The following SCML2 variants were observed in gnomAD, a reference collection of about 807,000 sequenced individuals.
SCML2 encodes the protein Scm polycomb group protein like 2.
A neutral mutation model predicts 48.4 loss-of-function variants in SCML2; 6 were observed. That is an observed-to-expected ratio of 0.12 (90% CI 0.07 to 0.24). The LOEUF (loss-of-function observed/expected upper bound fraction) is 0.24. Ranked by LOEUF, SCML2 falls within the 10% of genes least tolerant of loss-of-function variation. The probability of loss-of-function intolerance (pLI) is 1.00; values close to 1 mark genes in which losing one functional copy is unlikely to be tolerated. For synonymous variants in SCML2, 181 were observed against 189.5 expected (o/e 0.95, Z 0.37); for missense variants, 377 against 528.2 (o/e 0.71, Z 2.81).
intron 7 of SCML2, among the ~76,000 whole-genome samples, chrX:18,303,285 C>T (rs1349990246): frequency 9.0e-6 from 1 of 111,658 alleles, no homozygotes; most frequent in African/African-American, 3.3e-5. Flanking sequence ...AATTGTAATA[C>T]TAAGAAAAAA....
chrX:18,319,604 A>C (rs775213652), intron 6 of SCML2, among the ~76,000 whole-genome samples: 8 of 108,529 alleles, frequency 7.4e-5, no homozygotes, highest in East Asian at 5.7e-4. Context: ...TCAAAAAAAA[A>C]AAACAAAAAA....
chrX:18,302,689 T>C (rs1326629794), intron 7 of SCML2, among the ~76,000 whole-genome samples: 1 of 111,666 alleles, frequency 9.0e-6, no homozygotes, highest in East Asian at 2.8e-4. Flanking sequence ...ATAAGTAAAC[T>C]GCTCACCCTC....
intron 6 of SCML2, among the ~76,000 whole-genome samples, chrX:18,312,423 T>C (rs766614779): frequency 9.0e-6 from 1 of 111,646 alleles, no homozygotes; most frequent in South Asian, 3.8e-4. Context: ...AGATTATAAG[T>C]AATTTAAGTA....
At chrX:18,351,740 C>G (rs1037245982) in intron 1 of SCML2, among the ~76,000 whole-genome samples, 1 of 109,706 alleles carries the variant, frequency 9.1e-6, no homozygotes, top group East Asian at 2.8e-4. Flanking sequence ...TGTATCCACC[C>G]GTGTTCCAGT....
Position 18,241,124 on chromosome X carries a change from T to C in SCML2, c.*127A>G. On this transcript the variant is annotated 3_prime_UTR_variant, in exon 15 of 15. Transcript: ENST00000251900. ...GTTGACTGAACTGTTACTACAGTTC[T>C]GCAATTCTGATAAAATATTTTTATG... The C allele has an allele frequency of 1.6e-6, 1 of 620,892 alleles. No individual in the cohort carries two copies. Among genetic ancestry groups the C allele is most frequent in the Non-Finnish European group, 2.3e-6 (1 of 439,114 alleles). 51.2% of individuals were successfully genotyped at this position (620,892 alleles called of 1,213,427 possible).
intron 11 of SCML2, among the ~76,000 whole-genome samples, chrX:18,255,829 T>G (rs2267625): frequency 0.27 from 30,448 of 111,739 alleles, 3,543 homozygotes; most frequent in African/African-American, 0.44. Flanking sequence ...GATGGTACTC[T>G]GTATTTCCAG....
chrX:18,327,796 A>T (rs189162168), intron 3 of SCML2, among the ~76,000 whole-genome samples: 1 of 111,611 alleles, frequency 9.0e-6, no homozygotes, highest in Non-Finnish European at 1.9e-5. Context: ...CATCTTGATA[A>T]AACTGTTCAT....
intron 7 of SCML2, among the ~76,000 whole-genome samples, chrX:18,300,319 G>A (rs1928544649): frequency 2.0e-5 from 2 of 98,016 alleles, no homozygotes; most frequent in Admixed American, 2.2e-4. Flanking sequence ...AGGATCACTT[G>A]AGCCCAGGAA....
chrX:18,345,943 T>G (rs1264350813), intron 1 of SCML2, among the ~76,000 whole-genome samples: 1 of 107,729 alleles, frequency 9.3e-6, no homozygotes, highest in Non-Finnish European at 1.9e-5. Flanking sequence ...TTTTTTAATT[T>G]TAGTAGAGAC....
intron 14 of SCML2, among the ~76,000 whole-genome samples, chrX:18,242,044 T>C (rs1292482557): frequency 8.9e-6 from 1 of 111,943 alleles, no homozygotes; most frequent in Non-Finnish European, 1.9e-5. Context: ...CTTAATCTTA[T>C]AAAGTTGCTG....
intron 6 of SCML2, among the ~76,000 whole-genome samples, chrX:18,318,772 T>C (rs140684032): frequency 0.046 from 5,130 of 111,735 alleles, 294 homozygotes; most frequent in African/African-American, 0.16. Context: ...TTTTTATATC[T>C]ACAGTCAAGA....
At chrX:18,351,266 T>A (rs1250063227) in intron 1 of SCML2, among the ~76,000 whole-genome samples, 1 of 103,904 alleles carries the variant, frequency 9.6e-6, no homozygotes, top group Non-Finnish European at 1.9e-5. Flanking sequence ...CGAGAGCCCA[T>A]CTCAAAAAAA....
intron 1 of SCML2, among the ~76,000 whole-genome samples, chrX:18,348,773 C>CA (rs2147573869): frequency 9.0e-6 from 1 of 111,073 alleles, no homozygotes; most frequent in East Asian, 2.8e-4. Flanking sequence ...GAAAAAAAAG[C>CA]AACAGTTCAT....
At chrX:18,337,638 A>G (rs1234641923) in intron 1 of SCML2, among the ~76,000 whole-genome samples, 1 of 111,694 alleles carries the variant, frequency 9.0e-6, no homozygotes, top group Admixed American at 9.6e-5. Context: ...CGATAGAACT[A>G]AAAAAGAAAT....
chrX:18,328,449 T>C (rs1402596469), intron 3 of SCML2, among the ~76,000 whole-genome samples: 1 of 111,239 alleles, frequency 9.0e-6, no homozygotes, highest in Non-Finnish European at 1.9e-5. Context: ...GGCGGGCAGA[T>C]CGCTTGAGCC....
At chrX:18,347,723 CAAAAAAAAAAAAAA>C (rs749758995) in intron 1 of SCML2, among the ~76,000 whole-genome samples, 3 of 21,925 alleles carry the variant, frequency 1.4e-4, no homozygotes, top group Non-Finnish European at 2.7e-4. Flanking sequence ...GACTCCGTCT[CAAAAAAAAAAAAAA>C]AAAAAAAAAA....
chrX:18,298,496 C>A (rs138466645), intron 7 of SCML2, among the ~76,000 whole-genome samples: 1 of 112,172 alleles, frequency 8.9e-6, no homozygotes, highest in Non-Finnish European at 1.9e-5. Flanking sequence ...GCGCCAAGAA[C>A]GTACATTGGG....
chrX:18,289,014 T>C (rs1814159564), intron 7 of SCML2, among the ~76,000 whole-genome samples: 1 of 111,780 alleles, frequency 8.9e-6, no homozygotes, highest in African/African-American at 3.3e-5. Context: ...CCTTCACTCC[T>C]GCCTTCAGAA....
rs145520021 is a variant in SCML2 at position 18,252,692 on chromosome X, T to C, written c.1456+4156A>G. On this transcript the variant is annotated intron_variant, in intron 11 of 14. Coordinates refer to ENST00000251900, the MANE Select transcript of SCML2 (RefSeq NM_006089.3). ...GAACCATTCTAGTCTAAACTGAAGA[T>C]TTCGTCATATTTTTTCCCTGTAGGA... Among the ~76,000 whole-genome samples the C allele has an allele frequency of 2.7e-5, 3 of 112,713 alleles. No homozygotes were observed. The East Asian group carries it at 8.4e-4, about 31-fold the overall frequency.
Sources: allele counts gnomAD v4.1 joint callset (sites outside exome capture counted in the v4.1 genomes callset), GRCh38; gene constraint gnomAD v4.1.1; transcripts MANE v1.5; gene names NCBI Gene and HGNC (gene_info 2026-07-23, HGNC 2026-07-21).